The following BRCA2 variants were observed in gnomAD, a reference collection of about 807,000 sequenced individuals.
BRCA2 encodes BRCA2 DNA repair associated.
A neutral mutation model predicts 276.7 loss-of-function variants in BRCA2; 203 were observed. The ratio of observed to expected loss-of-function variants is 0.73; its 90% confidence interval spans 0.65 to 0.82. The LOEUF is 0.82. Among genes scored for constraint, BRCA2 ranks in the 40% least tolerant of loss-of-function variants. BRCA2 has a pLI of 0.00. For synonymous variants in BRCA2, 1,289 were observed against 1,338.4 expected (o/e 0.96, Z 0.81); for missense variants, 3,920 against 3,915.0 (o/e 1.00, Z -0.03).
intron 24 of BRCA2, chr13:32,384,806 A>G (rs2072947416): frequency 3.7e-6 from 1 of 272,396 alleles, no homozygotes; most frequent in Non-Finnish European, 7.8e-6. Context: ...TAGACTAAAT[A>G]CAGTGTGGGA....
In BRCA2 at chr13:32,339,954, A is replaced by G. The variant is rs2072533024; in HGVS notation, c.5599A>G (p.Thr1867Ala). 1 of 1,609,916 alleles carries G rather than the reference A, an allele frequency of 6.2e-7. No homozygotes were observed. The change falls in exon 11 of 27, where the codon ACA (threonine) becomes GCA (alanine). Residue 1867 changes from threonine (T) to alanine (A), a missense_variant. Coordinates refer to ENST00000380152, the MANE Select transcript of BRCA2 (RefSeq NM_000059.4). ...ETIKKVKDIF[T>A]DSFSKVIKEN... is the part of the protein sequence containing the mutation. The stretch of plus-strand genomic sequence containing the variant: ...AATTAAAAAAGTGAAAGACATATTT[A>G]CAGACAGTTTCAGTAAAGTAATTAA...
At chr13:32,376,987 G>A (rs2072878329) in intron 21 of BRCA2, among the ~76,000 whole-genome samples, 196 bp downstream of exon 21, 3 of 152,152 alleles carry the variant, frequency 2.0e-5, no homozygotes, top group Admixed American at 1.3e-4. Flanking sequence ...CCGAGTAGAG[G>A]ATGGGAGGGT....
Position 32,338,874 on chromosome 13 carries a change from C to G in BRCA2, c.4519C>G (p.Gln1507Glu), listed in dbSNP as rs1386446278. The G allele has an allele frequency of 6.2e-7, 1 of 1,613,938 alleles. No homozygotes were observed. Among genetic ancestry groups the G allele is most frequent in the South Asian group, 1.1e-5 (1 of 91,082 alleles). ...VGTGNQLVTF[Q>E]GQPERDEKIK... ...TACTGGAAATCAACTAGTGACCTTC[C>G]AGGGACAACCCGAACGTGATGAAAA... The change falls in exon 11 of 27, where the codon CAG becomes GAG. Residue 1507 changes from glutamine to glutamate, a missense_variant. Around this residue, in one of 2 missense-constraint regions of BRCA2, gnomAD observed 3,263 missense variants for 3,156.9 expected, o/e 1.03. Coordinates refer to ENST00000380152, the MANE Select transcript of BRCA2 (RefSeq NM_000059.4).
At chr13:32,349,014 G>A (rs2072629506) in intron 13 of BRCA2, among the ~76,000 whole-genome samples, 3 of 152,064 alleles carry the variant, frequency 2.0e-5, no homozygotes, top group Admixed American at 2.0e-4. Context: ...TTGAGGCCAG[G>A]AGTTCGAGAC....
At chr13:32,342,037 C>T (rs553746914) in intron 11 of BRCA2, among the ~76,000 whole-genome samples, 202 of 152,050 alleles carry the variant, frequency 1.3e-3, no homozygotes, top group African/African-American at 4.7e-3. Context: ...TTTGGGAGGC[C>T]GAGGTGGGTG....
At position 32,339,285 on chromosome 13, in the gene BRCA2, GAAA is replaced by G. The variant is rs80359472; in HGVS notation, c.4933_4935del (p.Lys1645del). The G allele has an allele frequency of 2.5e-6, 4 of 1,606,578 alleles. No individual in the cohort carries two copies. In the Admixed American group the frequency reaches 5.1e-5, roughly 21 times the overall value. On this transcript the variant is annotated inframe_deletion, in exon 11 of 27. Transcript: ENST00000380152. ...GAAAGTTAAAGTACATGAAAATGTA[GAAA>G]AAGAAACAGCAAAAAGTCCTGCAAC... is the stretch of plus-strand genomic sequence containing the variant.
At chr13:32,386,845 A>G (rs1419188896) in intron 24 of BRCA2, among the ~76,000 whole-genome samples, 2 of 152,216 alleles carry the variant, frequency 1.3e-5, no homozygotes, top group African/African-American at 2.4e-5. Context: ...TTTATTTGCT[A>G]TAACAAAGAA....
intron 24 of BRCA2, among the ~76,000 whole-genome samples, chr13:32,383,099 C>CACCTGTAATCCAGCACTTTGGGAG (rs2072934963): frequency 4.2e-5 from 4 of 95,506 alleles, no homozygotes; most frequent in African/African-American, 1.5e-4. Context: ...CGGTGGCTAA[C>CACCTGTAATCCAGCACTTTGGGAG]GCCTGTAATC....
chr13:32,382,906 A>C (rs1381674281), intron 24 of BRCA2, among the ~76,000 whole-genome samples: 1 of 152,238 alleles, frequency 6.6e-6, no homozygotes, highest in African/African-American at 2.4e-5. Context: ...CTTAGCTAGC[A>C]GGAGAGACTG....
At chr13:32,390,419 A>T (rs1439738249) in intron 24 of BRCA2, among the ~76,000 whole-genome samples, 1 of 152,184 alleles carries the variant, frequency 6.6e-6, no homozygotes, top group African/African-American at 2.4e-5. Context: ...TTCTGTCTCT[A>T]TAAACATAAA....
In BRCA2 at chr13:32,363,502, C is replaced by G. The variant is rs397507401; in HGVS notation, c.8300C>G (p.Pro2767Arg). ...GTGGGCTCTCCTGATGCCTGTACACCTCTTGAAGCCCCAGAATCTCTTATG... is the reference window on the plus strand; with the variant it reads ...GTGGGCTCTCCTGATGCCTGTACACGTCTTGAAGCCCCAGAATCTCTTATG... ...ELVGSPDACT[P>R]LEAPESLMLK... Residue 2767 changes from proline to arginine, a missense_variant, in exon 18 of 27, where the codon CCT becomes CGT. This residue lies in a region of BRCA2 where 3,263 missense variants were observed against 3,156.9 expected (regional missense o/e 1.03). Coordinates refer to ENST00000380152, the MANE Select transcript of BRCA2 (RefSeq NM_000059.4). The G allele has an allele frequency of 6.2e-7, 1 of 1,613,836 alleles. No individual in the cohort carries two copies. The highest frequency in any genetic ancestry group is 8.5e-7 in the Non-Finnish European group (1 of 1,179,920).
chr13:32,380,741 C>T (rs1174629192), intron 24 of BRCA2, among the ~76,000 whole-genome samples: 3 of 151,764 alleles, frequency 2.0e-5, no homozygotes, highest in East Asian at 3.9e-4. Context: ...GGGGTTTCAC[C>T]GTGTTAACCA....
intron 11 of BRCA2, among the ~76,000 whole-genome samples, chr13:32,342,555 G>A (rs1273809485): frequency 6.6e-6 from 1 of 152,066 alleles, no homozygotes; most frequent in Non-Finnish European, 1.5e-5. Flanking sequence ...CATCATTGTG[G>A]GAACATCATA....
In BRCA2 at chr13:32,344,593, T is replaced by C. The variant is rs80358912; in HGVS notation, c.6877T>C (p.Phe2293Leu). 1.2e-5 allele frequency: 19 copies of C among 1,577,320 alleles called. No individual in the cohort carries two copies. In the Admixed American group the frequency reaches 3.0e-4, roughly 25 times the overall value. ...PSIKRNLLNE[F>L]DRIIENQEKS... is the part of the protein sequence containing the mutation. Reference sequence around the variant, plus strand: ...AATCAAAAGAAACTTATTAAATGAATTTGACAGGATAATAGAAAATCAAGA... The same window carrying C: ...AATCAAAAGAAACTTATTAAATGAACTTGACAGGATAATAGAAAATCAAGA... The change falls in exon 12 of 27, where the codon TTT becomes CTT. Residue 2293 changes from phenylalanine to leucine, a missense_variant. By Grantham distance (22) the Phe-to-Leu change is conservative. This residue lies in a region of BRCA2 where 3,263 missense variants were observed against 3,156.9 expected (regional missense o/e 1.03). Transcript: ENST00000380152.
chr13:32,345,238 A>G (rs978308175), intron 12 of BRCA2, among the ~76,000 whole-genome samples: 2 of 152,130 alleles, frequency 1.3e-5, no homozygotes, highest in Non-Finnish European at 2.9e-5. Context: ...TCTTTCAAGT[A>G]AAAGGTATTT....
In BRCA2 at chr13:32,399,939, C is replaced by T. The variant is rs962793683; in HGVS notation, c.*1169C>T. 1.3e-5 allele frequency: 2 copies of T among 152,168 alleles called. No individual in the cohort carries two copies. The highest frequency in any genetic ancestry group is 4.8e-5 in the African/African-American group (2 of 41,408). 9.4% of individuals were successfully genotyped at this position (152,168 alleles called of 1,614,324 possible). A position where few individuals can be genotyped will look rare whatever the true frequency, so the allele number is the denominator to read the frequency against. On this transcript the variant is annotated 3_prime_UTR_variant, in exon 27 of 27. Transcript: ENST00000380152. ...TAGCTGGGATTACAGGGACGCACCA[C>T]CATGCCCAGCTAATTTTTGCATTTT...
chr13:32,398,709 C>G lies in BRCA2; in HGVS notation c.10196C>G (p.Ala3399Gly), dbSNP rs2137667573. 6.2e-7 allele frequency: 1 copy of G among 1,613,998 alleles called. No homozygotes were observed. Among genetic ancestry groups the G allele is most frequent in the Non-Finnish European group, 8.5e-7 (1 of 1,179,964 alleles). The change falls in exon 27 of 27, where the codon GCC (alanine) becomes GGC (glycine). Residue 3399 changes from alanine to glycine, a missense_variant. This residue lies in a region of BRCA2 where 657 missense variants were observed against 758.2 expected (regional missense o/e 0.87). Transcript: ENST00000380152. Reference sequence around the variant, plus strand: ...ATCAAAGAACAGGAGAGTTCCCAGGCCAGTACGGAAGAATGTGAGAAAAAT... The same window carrying G: ...ATCAAAGAACAGGAGAGTTCCCAGGGCAGTACGGAAGAATGTGAGAAAAAT... The part of the protein sequence containing the change: ...SLIKEQESSQ[A>G]STEECEKNKQ...
At chr13:32,378,832 A>G (rs747492375) in intron 21 of BRCA2, among the ~76,000 whole-genome samples, 13 of 152,164 alleles carry the variant, frequency 8.5e-5, no homozygotes, top group Non-Finnish European at 1.8e-4. Context: ...TACTATTTCA[A>G]AGTTAATGGA....
intron 20 of BRCA2, among the ~76,000 whole-genome samples, chr13:32,373,820 C>T (rs1445937244): frequency 6.6e-6 from 1 of 152,244 alleles, no homozygotes; most frequent in East Asian, 1.9e-4. Context: ...GGAGGTGGCT[C>T]CAACCCCGTA....
Sources: allele counts gnomAD v4.1 joint callset (sites outside exome capture counted in the v4.1 genomes callset), GRCh38; gene constraint gnomAD v4.1.1; regional missense constraint gnomAD v4.1.1; transcripts MANE v1.5; gene names NCBI Gene and HGNC (gene_info 2026-07-23, HGNC 2026-07-21).